Variants in SYCP2L observed in about 807,000 individuals in gnomAD.
The protein encoded by SYCP2L is synaptonemal complex protein 2 like.
SYCP2L carries 98 observed loss-of-function variants against 125.8 expected under a neutral mutation model. The ratio of observed to expected loss-of-function variants is 0.78; its 90% CI spans 0.66 to 0.92. SYCP2L has a LOEUF of 0.92. Among genes scored for constraint, SYCP2L ranks in the 40% least tolerant of loss-of-function variants. The probability of loss-of-function intolerance (pLI) is 0.00; values close to 1 mark genes in which losing one functional copy is unlikely to be tolerated. For missense variants in SYCP2L, 842 were observed against 936.4 expected, an observed-to-expected ratio of 0.90 and a Z score of 1.32; for synonymous variants, 317 against 325.4, an observed-to-expected ratio of 0.97 and a Z score of 0.28.
At chr6:10,971,524 T>C (rs1187293372) in intron 29 of SYCP2L, among the ~76,000 whole-genome samples, 2 of 151,448 alleles carry the variant, frequency 1.3e-5, no homozygotes, top group East Asian at 3.9e-4. Flanking sequence ...AACATAAAAG[T>C]TTATAAAGAG....
intron 6 of SYCP2L, among the ~76,000 whole-genome samples, chr6:10,901,327 G>T (rs1414673627): frequency 6.6e-6 from 1 of 152,216 alleles, no homozygotes; most frequent in Non-Finnish European, 1.5e-5. Flanking sequence ...ATCGTTTGAA[G>T]ATGTCTTTCT....
In SYCP2L at chr6:10,942,708, C is replaced by T. The variant is rs777491744; in HGVS notation, c.1916C>T (p.Thr639Ile). 6.2e-7 allele frequency: 1 copy of T among 1,612,384 alleles called. No homozygotes were observed. Among genetic ancestry groups the T allele is most frequent in the South Asian group, 1.1e-5 (1 of 90,980 alleles). ...IVNQESLTES[T>I]SLKHKLRNLE... Reference sequence around the variant, plus strand: ...AACCAAGAATCACTAACAGAAAGTACTAGCTTGAAACATAAGCTGAGAAAC... The same window carrying T: ...AACCAAGAATCACTAACAGAAAGTATTAGCTTGAAACATAAGCTGAGAAAC... The change falls in exon 23 of 30, where the codon ACT becomes ATT. Residue 639 changes from threonine (T) to isoleucine (I), a missense_variant. By Grantham distance (89) the Thr-to-Ile change is moderately conservative. Transcript: ENST00000283141.
intron 22 of SYCP2L, 49 bp downstream of exon 22, chr6:10,942,578 A>T: frequency 5.7e-6 from 9 of 1,573,314 alleles, no homozygotes; most frequent in Non-Finnish European, 7.8e-6. Flanking sequence ...AATTAATATC[A>T]TATTTGCATA....
chr6:10,921,781 C>G (rs1780803483), intron 14 of SYCP2L, among the ~76,000 whole-genome samples: 1 of 151,922 alleles, frequency 6.6e-6, no homozygotes. Flanking sequence ...TCTTGGCTCA[C>G]TGCAAGCTCC....
At chr6:10,887,496 C>T (rs1780094594) in intron 1 of SYCP2L, among the ~76,000 whole-genome samples, 2 of 152,176 alleles carry the variant, frequency 1.3e-5, no homozygotes, top group Admixed American at 1.3e-4. Flanking sequence ...TGTTAAGCAA[C>T]CCCAAGTGCT....
At chr6:10,971,457 C>CAAAAAAAA (rs564161444) in intron 29 of SYCP2L, among the ~76,000 whole-genome samples, 4 of 99,366 alleles carry the variant, frequency 4.0e-5, no homozygotes, top group Admixed American at 2.0e-4. Flanking sequence ...GACTCTGTCT[C>CAAAAAAAA]AAAAAAAAAA....
At chr6:10,941,694 A>G (rs988872348) in intron 21 of SYCP2L, among the ~76,000 whole-genome samples, 1 of 152,212 alleles carries the variant, frequency 6.6e-6, no homozygotes, top group Non-Finnish European at 1.5e-5. Context: ...CTTTTCTTTT[A>G]CACTGTTGGT....
chr6:10,948,274 A>G (rs1781350329), intron 23 of SYCP2L, among the ~76,000 whole-genome samples: 1 of 152,120 alleles, frequency 6.6e-6, no homozygotes, highest in Admixed American at 6.6e-5. Flanking sequence ...CACCATTCAT[A>G]TCTCAGGTCT....
chr6:10,948,602 G>A (rs1309280151), intron 23 of SYCP2L, among the ~76,000 whole-genome samples: 1 of 152,000 alleles, frequency 6.6e-6, no homozygotes, highest in African/African-American at 2.4e-5. Context: ...AAGATACATT[G>A]TTGGACTTAT....
At chr6:10,932,494 A>G (rs1375977253) in intron 20 of SYCP2L, among the ~76,000 whole-genome samples, 1 of 152,104 alleles carries the variant, frequency 6.6e-6, no homozygotes, top group Non-Finnish European at 1.5e-5. Context: ...GCTCATGCAG[A>G]AATAGTTTGG....
chr6:10,907,504 C>T, intron 9 of SYCP2L, 38 bp from the exon 10 acceptor site: 1 of 1,569,810 alleles, frequency 6.4e-7, no homozygotes, highest in Non-Finnish European at 8.6e-7. Context: ...TGCTTTGTGC[C>T]CAGAATTATC....
At chr6:10,955,652 G>A (rs1043363317) in intron 24 of SYCP2L, among the ~76,000 whole-genome samples, 1 of 152,222 alleles carries the variant, frequency 6.6e-6, no homozygotes, top group African/African-American at 2.4e-5. Flanking sequence ...AGATTTGAAA[G>A]CATTGATTCC....
rs753889041 is a variant in SYCP2L at position 10,912,856 on chromosome 6, A to AT, written c.1012-7dup. ...TTGCACTCATGAATTTCACTTATTTATTTTCCCAAGAATACTCTATGGGAC... is the reference window on the plus strand; with the variant it reads ...TTGCACTCATGAATTTCACTTATTTATTTTTCCCAAGAATACTCTATGGGAC... On this transcript the variant is annotated splice_polypyrimidine_tract_variant and intron_variant, in intron 13 of 29. Coordinates refer to ENST00000283141, the MANE Select transcript of SYCP2L (RefSeq NM_001040274.3). The surrounding 1 kb of genome is among the most constrained non-coding windows in gnomAD (Gnocchi z 4.1). 4 of 1,613,406 alleles carry AT rather than the reference A, an allele frequency of 2.5e-6. No individual in the cohort carries two copies. The highest frequency in any genetic ancestry group is 3.4e-6 in the Non-Finnish European group (4 of 1,179,740).
Position 10,887,264 on chromosome 6 carries a change from C to T in SYCP2L, c.9+129C>T, listed in dbSNP as rs1182258696. On this transcript the variant is annotated intron_variant, in intron 1 of 29. Coordinates refer to ENST00000283141, the MANE Select transcript of SYCP2L (RefSeq NM_001040274.3). ...CAGAGACCGGGTGCTGGGCATAGTC[C>T]CCCGCCACCTCCTTGGGTTTGCTCG... 4 of 1,249,634 alleles carry T rather than the reference C, an allele frequency of 3.2e-6. No homozygotes were observed. In the South Asian group the frequency reaches 5.2e-5, roughly 16 times the overall value. 77.4% of individuals were successfully genotyped at this position (1,249,634 alleles called of 1,614,324 possible).
chr6:10,928,255 A>C (rs1780933376), intron 17 of SYCP2L, 148 bp from the exon 18 acceptor site: 1 of 480,676 alleles, frequency 2.1e-6, no homozygotes, highest in Non-Finnish European at 3.6e-6. Context: ...ATAGGAAATC[A>C]CAAGGGGAAG....
At chr6:10,911,894 C>T (rs1304178418) in intron 12 of SYCP2L, among the ~76,000 whole-genome samples, 20 of 49,998 alleles carry the variant, frequency 4.0e-4, no homozygotes, top group Non-Finnish European at 4.4e-4. Flanking sequence ...GGAATAAAAG[C>T]TTTTTTTTTT....
chr6:10,958,101 G>C (rs1411457194), intron 25 of SYCP2L, among the ~76,000 whole-genome samples: 1 of 152,100 alleles, frequency 6.6e-6, no homozygotes, highest in Non-Finnish European at 1.5e-5. Context: ...TGATACCAAT[G>C]TAAGCCAATT....
chr6:10,898,865 C>T lies in SYCP2L; in HGVS notation c.466+17C>T. The T allele has an allele frequency of 7.5e-7, 1 of 1,340,206 alleles. No individual in the cohort carries two copies. The highest frequency in any genetic ancestry group is 1.1e-6 in the Non-Finnish European group (1 of 939,740). The allele number at this position is 1,340,206 out of a possible 1,614,324, so 83.0% of individuals were successfully genotyped here. A position where few individuals can be genotyped will look rare whatever the true frequency, so the allele number is the denominator to read the frequency against. ...GTAGTGAAGGTAAGTATATTATTGG[C>T]TACTAATTGGCTATTAATTTTTCAT... On this transcript the variant is annotated intron_variant, in intron 6 of 29. Coordinates refer to ENST00000283141, the MANE Select transcript of SYCP2L (RefSeq NM_001040274.3).
At chr6:10,953,828 G>A (rs949596881) in intron 23 of SYCP2L, among the ~76,000 whole-genome samples, 1 of 152,208 alleles carries the variant, frequency 6.6e-6, no homozygotes, top group Non-Finnish European at 1.5e-5. Context: ...ATTAAGCTGG[G>A]AAGAGAGTGT....
Sources: gnomAD v4.1 joint callset for allele counts (sites outside exome capture counted in the v4.1 genomes callset) on GRCh38, gnomAD v4.1.1 for gene constraint, Gnocchi (gnomAD v3.1) non-coding constraint, MANE v1.5 for transcripts, NCBI Gene and HGNC (gene_info 2026-07-23, HGNC 2026-07-21) for gene names.